CDH18: variants seen among roughly 807,000 people sequenced by gnomAD.
The protein encoded by CDH18 is cadherin 18.
Under a neutral mutation model 67.9 loss-of-function variants are expected in CDH18, and 31 were observed. The observed-to-expected ratio is 0.46, with a 90% CI of 0.34 to 0.62. The LOEUF (loss-of-function observed/expected upper bound fraction) is 0.62. Ranked by LOEUF, CDH18 falls within the 20% of genes least tolerant of loss-of-function variation. The pLI, the probability that CDH18 is intolerant of heterozygous loss-of-function variation, is 0.01. For synonymous variants in CDH18, 362 were observed against 347.2 expected (o/e 1.04, Z -0.48); for missense variants, 890 against 975.5 (o/e 0.91, Z 1.17).
At chr5:20,417,175 A>G (rs908081914) in intron 1 of CDH18, among the ~76,000 whole-genome samples, 4 of 152,138 alleles carry the variant, frequency 2.6e-5, no homozygotes, top group African/African-American at 7.2e-5. Flanking sequence ...CTTTCATGCT[A>G]TGTAATTTGC....
At chr5:19,510,626 T>A (rs1315923800) in intron 10 of CDH18, among the ~76,000 whole-genome samples, 1 of 152,100 alleles carries the variant, frequency 6.6e-6, no homozygotes, top group African/African-American at 2.4e-5. Context: ...CTAAGTGTAG[T>A]AATTACCTTT....
At chr5:19,735,466 G>A (rs1001587031) in intron 4 of CDH18, among the ~76,000 whole-genome samples, 5 of 150,008 alleles carry the variant, frequency 3.3e-5, no homozygotes, top group African/African-American at 9.9e-5. Context: ...GCGTGATCTC[G>A]GCTCACTGCA....
At chr5:19,719,022 G>A (rs1049234693) in intron 5 of CDH18, among the ~76,000 whole-genome samples, 2 of 151,794 alleles carry the variant, frequency 1.3e-5, no homozygotes, top group African/African-American at 4.8e-5. Context: ...TTAGAGCATT[G>A]GTCTCAGTGA....
At chr5:19,746,073 C>T (rs928357225) in intron 4 of CDH18, among the ~76,000 whole-genome samples, 1 of 151,964 alleles carries the variant, frequency 6.6e-6, no homozygotes, top group Non-Finnish European at 1.5e-5. Flanking sequence ...TGTTACAAAG[C>T]TTAGAGTCTC....
At chr5:19,947,703 C>T (rs1201403757) in intron 2 of CDH18, among the ~76,000 whole-genome samples, 2 of 150,498 alleles carry the variant, frequency 1.3e-5, no homozygotes, top group East Asian at 3.9e-4. Context: ...GTGGAGATTG[C>T]AGTGAGCTGT....
At chr5:20,362,539 C>T (rs926603345) in intron 1 of CDH18, among the ~76,000 whole-genome samples, 2 of 152,178 alleles carry the variant, frequency 1.3e-5, no homozygotes, top group African/African-American at 4.8e-5. Context: ...GTGAAGATAG[C>T]TTCATTGCTT....
chr5:19,864,468 T>G lies in CDH18; in HGVS notation c.-256-25226A>C, dbSNP rs184460468. Among the ~76,000 whole-genome samples, 313 of 151,946 alleles carry G rather than the reference T, an allele frequency of 2.1e-3. 1 individual carries two copies. The highest frequency in any genetic ancestry group is 7.1e-3 in the African/African-American group (296 of 41,434). ...GGGTGCAGCACACCATCATGGCACA[T>G]GTATACATATGTAACTAACCTGCAC... On this transcript the variant is annotated intron_variant, in intron 2 of 12. Transcript: ENST00000382275.
At chr5:19,712,745 A>G (rs1034792325) in intron 5 of CDH18, among the ~76,000 whole-genome samples, 1 of 150,894 alleles carries the variant, frequency 6.6e-6, no homozygotes, top group Non-Finnish European at 1.5e-5. Context: ...TTTTCTATAT[A>G]TATGTGTATA....
chr5:19,705,542 A>C (rs1392244717), intron 5 of CDH18, among the ~76,000 whole-genome samples: 1 of 152,280 alleles, frequency 6.6e-6, no homozygotes, highest in Non-Finnish European at 1.5e-5. Context: ...AGTGCATAAG[A>C]CTCAAATAGA....
intron 7 of CDH18, among the ~76,000 whole-genome samples, chr5:19,574,736 T>G (rs1742025579): frequency 6.8e-6 from 1 of 148,104 alleles, no homozygotes. Flanking sequence ...CTTCCACGCT[T>G]TCTTAGTTAA....
At position 20,546,368 on chromosome 5, in the gene CDH18, A is replaced by T. The variant is rs1156478528; in HGVS notation, c.-580+29094T>A. The stretch of plus-strand genomic sequence containing the variant: ...GCAGGACCCCACTCTGCCAGTACCA[A>T]TTCTCTATATTAGTCTGCTTTCACA... On this transcript the variant is annotated intron_variant, in intron 1 of 14. Coordinates refer to the CDH18 transcript ENST00000507958. Among the ~76,000 whole-genome samples, 6 of 151,750 alleles carry T rather than the reference A, an allele frequency of 4.0e-5. No homozygotes were observed. In the East Asian group the frequency reaches 1.2e-3, roughly 30 times the overall value.
At chr5:19,670,825 C>T (rs913033049) in intron 5 of CDH18, among the ~76,000 whole-genome samples, 6 of 152,052 alleles carry the variant, frequency 3.9e-5, no homozygotes, top group South Asian at 2.1e-4. Context: ...AGTTGACAGA[C>T]TCAAAATGCA....
chr5:19,864,919 G>A (rs1785317457), intron 2 of CDH18, among the ~76,000 whole-genome samples: 1 of 152,146 alleles, frequency 6.6e-6, no homozygotes, highest in Non-Finnish European at 1.5e-5. Flanking sequence ...AACGACCAAT[G>A]AGGAAACATT....
chr5:19,694,468 A>T (rs1208258178), intron 5 of CDH18, among the ~76,000 whole-genome samples: 1 of 152,202 alleles, frequency 6.6e-6, no homozygotes, highest in African/African-American at 2.4e-5. Context: ...GACAATAAGA[A>T]AAGCAATTTG....
chr5:20,089,974 G>A (rs1745282587), intron 2 of CDH18, among the ~76,000 whole-genome samples: 1 of 151,912 alleles, frequency 6.6e-6, no homozygotes, highest in Non-Finnish European at 1.5e-5. Flanking sequence ...TTTTTATCTG[G>A]TGATTAATAA....
At chr5:20,152,070 G>A (rs1426402353) in intron 2 of CDH18, among the ~76,000 whole-genome samples, 1 of 146,996 alleles carries the variant, frequency 6.8e-6, no homozygotes, top group Non-Finnish European at 1.5e-5. Context: ...GGGTAAGAGA[G>A]CAATTATATA....
intron 1 of CDH18, among the ~76,000 whole-genome samples, chr5:20,537,235 T>A (rs539105353): frequency 6.6e-6 from 1 of 152,270 alleles, no homozygotes; most frequent in Non-Finnish European, 1.5e-5. Context: ...GGGAATAAGG[T>A]AATGAGAAGC....
intron 2 of CDH18, among the ~76,000 whole-genome samples, chr5:20,156,936 C>G (rs1356759954): frequency 6.6e-6 from 1 of 152,172 alleles, no homozygotes; most frequent in Non-Finnish European, 1.5e-5. Context: ...CCCCCCTTAT[C>G]CATGATGGAT....
intron 1 of CDH18, among the ~76,000 whole-genome samples, chr5:20,494,471 G>T (rs1184007674): frequency 4.6e-5 from 7 of 152,040 alleles, no homozygotes; most frequent in Non-Finnish European, 1.5e-5. Context: ...GTTTCAAGAT[G>T]ACAATATACA....
Sources: gnomAD v4.1 joint callset for allele counts (sites outside exome capture counted in the v4.1 genomes callset) on GRCh38, gnomAD v4.1.1 for gene constraint, MANE v1.5 for transcripts, NCBI Gene and HGNC (gene_info 2026-07-23, HGNC 2026-07-21) for gene names.